RAB30: variants seen among roughly 807,000 people sequenced by gnomAD.
The protein encoded by RAB30 is RAB30, member RAS oncogene family.
In RAB30, 9 loss-of-function variants were observed where a neutral mutation model predicts 25.1. That is an observed-to-expected ratio of 0.36 (90% CI 0.22 to 0.63). The LOEUF is 0.63. Ranked by LOEUF, RAB30 falls within the 20% of genes least tolerant of loss-of-function variation. RAB30 has a pLI of 0.69. For missense variants in RAB30, 140 were observed against 243.5 expected (o/e 0.58, Z 2.83); for synonymous variants, 77 against 86.4 (o/e 0.89, Z 0.60).
At chr11:83,004,496 G>A (rs1432695943) in intron 1 of RAB30, among the ~76,000 whole-genome samples, 1 of 152,170 alleles carries the variant, frequency 6.6e-6, no homozygotes, top group Admixed American at 6.5e-5. Context: ...GCGATGGGCA[G>A]GGCATGAGAA....
At chr11:83,041,692 TAA>T (rs34023989) in intron 1 of RAB30, 67 of 146,562 alleles carry the variant, frequency 4.6e-4, no homozygotes, top group African/African-American at 1.2e-3. Context: ...TTTATTAAGC[TAA>T]AAAAAAAAAA....
At chr11:82,994,407 A>G (rs575997107) in intron 2 of RAB30, among the ~76,000 whole-genome samples, 1 of 152,340 alleles carries the variant, frequency 6.6e-6, no homozygotes, top group South Asian at 2.1e-4. Context: ...GAGAAAATTG[A>G]GAAAGGGCAG....
chr11:83,005,110 A>G (rs960219032), intron 1 of RAB30, among the ~76,000 whole-genome samples: 53 of 152,342 alleles, frequency 3.5e-4, no homozygotes, highest in African/African-American at 1.1e-3. Context: ...TTTATAGTTT[A>G]CAAAATTCTT....
At chr11:83,032,397 G>A (rs77456287) in intron 1 of RAB30, among the ~76,000 whole-genome samples, 4,356 of 152,326 alleles carry the variant, frequency 0.029, 185 homozygotes, top group African/African-American at 0.091. Flanking sequence ...TGTCTGGTGA[G>A]GAGGAAAGGG....
In RAB30 at chr11:82,982,197, T is replaced by C. The variant is rs544059659; in HGVS notation, c.580A>G (p.Ile194Val). 13 of 1,614,116 alleles carry C rather than the reference T, an allele frequency of 8.1e-6. No homozygotes were observed. The highest frequency in any genetic ancestry group is 1.1e-5 in the Non-Finnish European group (13 of 1,180,040). The stretch of plus-strand genomic sequence containing the variant: ...AAATTACAACAAGTCAAATAGCTGA[T>C]GCTTTTCCCTTCTCCAGGTAAGGGT... The part of the protein sequence containing the change: ...SSPLPGEGKS[I>V]SYLTCCNFN Residue 194 changes from isoleucine to valine, a missense_variant, in exon 5 of 5, where the codon ATC becomes GTC. Coordinates refer to ENST00000527633, the MANE Select transcript of RAB30 (RefSeq NM_001286060.2).
At chr11:83,008,350 A>G (rs1282637761) in intron 1 of RAB30, among the ~76,000 whole-genome samples, 1 of 152,174 alleles carries the variant, frequency 6.6e-6, no homozygotes, top group African/African-American at 2.4e-5. Flanking sequence ...CAGGAGAAAA[A>G]GTGAGAGGGA....
In RAB30 at chr11:83,048,592, A is replaced by G. The variant is rs182513050; in HGVS notation, c.-9+23099T>C. Among the ~76,000 whole-genome samples the G allele has an allele frequency of 1.4e-3, 219 of 152,268 alleles. 2 individuals carry two copies. Among genetic ancestry groups the G allele is most frequent in the Admixed American group, 1.2e-3 (19 of 15,290 alleles). Reference sequence around the variant, plus strand: ...AGTAGGTAAGCTTTTTCTTTTTCCAATAGCCAGAGGAGGTAGGCAAACATT... The same window carrying G: ...AGTAGGTAAGCTTTTTCTTTTTCCAGTAGCCAGAGGAGGTAGGCAAACATT... On this transcript the variant is annotated intron_variant, in intron 1 of 4. Transcript: ENST00000527633.
At chr11:83,025,153 C>T (rs1013569691) in intron 1 of RAB30, among the ~76,000 whole-genome samples, 1 of 152,196 alleles carries the variant, frequency 6.6e-6, no homozygotes, top group Non-Finnish European at 1.5e-5. Flanking sequence ...ATTGATAATA[C>T]CTTCATATCT....
At chr11:83,024,620 C>A (rs1857665060) in intron 1 of RAB30, among the ~76,000 whole-genome samples, 1 of 152,180 alleles carries the variant, frequency 6.6e-6, no homozygotes, top group African/African-American at 2.4e-5. Context: ...CATTGTATAT[C>A]TCTGGGGGTA....
intron 1 of RAB30, among the ~76,000 whole-genome samples, chr11:83,032,312 G>C (rs547530591): frequency 6.6e-6 from 1 of 152,162 alleles, no homozygotes; most frequent in South Asian, 2.1e-4. Context: ...ATTTGTTTTA[G>C]TAATACAAAC....
intron 1 of RAB30, among the ~76,000 whole-genome samples, chr11:83,057,031 T>C (rs1458659010): frequency 2.0e-5 from 3 of 152,064 alleles, no homozygotes; most frequent in African/African-American, 7.2e-5. Flanking sequence ...TAAGTACAGA[T>C]TTGTATCATT....
chr11:83,035,760 C>A (rs942346375), intron 1 of RAB30: 2 of 152,178 alleles, frequency 1.3e-5, no homozygotes, highest in Non-Finnish European at 2.9e-5. Flanking sequence ...GTGCTTGGCA[C>A]CCCTGGGTAA....
intron 3 of RAB30, among the ~76,000 whole-genome samples, chr11:82,989,929 G>A (rs1402309359): frequency 6.6e-6 from 1 of 152,180 alleles, no homozygotes. Flanking sequence ...ATATAAAGAT[G>A]AATAAAACAC....
intron 1 of RAB30, among the ~76,000 whole-genome samples, chr11:83,056,594 C>G (rs1186298303): frequency 2.0e-5 from 3 of 152,116 alleles, no homozygotes; most frequent in Admixed American, 2.0e-4. Flanking sequence ...ACTCAGCTTT[C>G]AAGATTATAA....
At chr11:83,063,839 A>G (rs1000523131) in intron 1 of RAB30, among the ~76,000 whole-genome samples, 6 of 152,224 alleles carry the variant, frequency 3.9e-5, no homozygotes, top group African/African-American at 1.2e-4. Context: ...GAGGTACTCA[A>G]AGGCTCACTG....
chr11:82,992,270 C>G (rs905260271), intron 3 of RAB30: 1 of 456,076 alleles, frequency 2.2e-6, no homozygotes, highest in Non-Finnish European at 4.4e-6. Flanking sequence ...ACCCCCCACA[C>G]TATTTTTGTT....
intron 1 of RAB30, among the ~76,000 whole-genome samples, chr11:82,997,797 G>T (rs1856989523): frequency 6.6e-6 from 1 of 152,108 alleles, no homozygotes; most frequent in East Asian, 1.9e-4. Context: ...AACTATAAAG[G>T]GCCCTTTTAG....
chr11:83,027,885 T>C (rs1263886769), intron 1 of RAB30, among the ~76,000 whole-genome samples: 1 of 152,198 alleles, frequency 6.6e-6, no homozygotes, highest in African/African-American at 2.4e-5. Flanking sequence ...CCATTTCATA[T>C]AAATGAAATC....
intron 3 of RAB30, among the ~76,000 whole-genome samples, chr11:82,988,503 T>C (rs1482083373): frequency 1.3e-5 from 2 of 152,240 alleles, no homozygotes; most frequent in African/African-American, 4.8e-5. Flanking sequence ...TCTATGACCT[T>C]GGCCAAGTCA....
Sources: gnomAD v4.1 joint callset for allele counts (sites outside exome capture counted in the v4.1 genomes callset) on GRCh38, gnomAD v4.1.1 for gene constraint, MANE v1.5 for transcripts, NCBI Gene and HGNC (gene_info 2026-07-23, HGNC 2026-07-21) for gene names.